The following UNC79 variants were observed in gnomAD, a reference collection of about 807,000 sequenced individuals.
UNC79 encodes the protein unc-79 subunit of NALCN channel complex.
Under a neutral mutation model 283.1 loss-of-function variants are expected in UNC79, and 37 were observed. The ratio of observed to expected loss-of-function variants is 0.13; its 90% CI spans 0.10 to 0.17. The LOEUF (loss-of-function observed/expected upper bound fraction) is 0.17. UNC79 is among the 10% of genes least tolerant of loss of function. The pLI, the probability that UNC79 is intolerant of heterozygous loss-of-function variation, is 1.00. For missense variants in UNC79, 2,272 were observed against 3,211.1 expected (o/e 0.71, Z 7.07); for synonymous variants, 1,107 against 1,200.2 (o/e 0.92, Z 1.61).
chr14:93,391,124 A>G (rs889501926), intron 1 of UNC79, among the ~76,000 whole-genome samples: 3 of 150,638 alleles, frequency 2.0e-5, no homozygotes, highest in Non-Finnish European at 4.5e-5. Context: ...TGATTGACAC[A>G]AAAAAATAGA....
At chr14:93,467,738 A>G (rs1206192542) in exon 2 of UNC79, 6 of 1,495,344 alleles carry the variant, frequency 4.0e-6, no homozygotes, top group African/African-American at 1.5e-5. Context: ...ATCCTGTACC[A>G]TCAGGAACAG....
intron 1 of UNC79, among the ~76,000 whole-genome samples, chr14:93,418,423 G>A (rs543787316): frequency 6.6e-6 from 1 of 151,852 alleles, no homozygotes; most frequent in East Asian, 1.9e-4. Flanking sequence ...GTGTCAGTCT[G>A]CCCCTACTGG....
intron 1 of UNC79, among the ~76,000 whole-genome samples, chr14:93,403,827 TATC>T (rs1190641723): frequency 2.0e-5 from 3 of 151,216 alleles, no homozygotes; most frequent in African/African-American, 7.3e-5. Context: ...AAAACAATGA[TATC>T]ATCTTGAAAG....
intron 1 of UNC79, among the ~76,000 whole-genome samples, chr14:93,390,150 T>C (rs927473322): frequency 6.6e-6 from 1 of 152,242 alleles, no homozygotes; most frequent in Non-Finnish European, 1.5e-5. Context: ...AAATGAAATA[T>C]TTGTTTAACA....
At chr14:93,696,219 A>C (rs770147427) in intron 47 of UNC79, among the ~76,000 whole-genome samples, 1 of 152,140 alleles carries the variant, frequency 6.6e-6, no homozygotes, top group Non-Finnish European at 1.5e-5. Context: ...CAGTTATTTG[A>C]CATCTAGGGG....
intron 1 of UNC79, among the ~76,000 whole-genome samples, chr14:93,396,817 G>T (rs1261966795): frequency 6.7e-6 from 1 of 149,910 alleles, no homozygotes; most frequent in African/African-American, 2.5e-5. Context: ...GTTGTGGCAT[G>T]CTTTCAACTC....
rs760809357 is a variant in UNC79, at chr14:93,612,793, A to T, written c.3755-4A>T. Reference sequence around the variant, plus strand: ...CCCACTGACAGCCTTTCTTCTACTGACAGGACAACAATCTCCTGAGAATGA... The same window carrying T: ...CCCACTGACAGCCTTTCTTCTACTGTCAGGACAACAATCTCCTGAGAATGA... On this transcript the variant is annotated splice_polypyrimidine_tract_variant and splice_region_variant and intron_variant, in intron 26 of 48. Transcript: ENST00000555664. 1.2e-6 allele frequency: 2 copies of T among 1,610,616 alleles called. No individual in the cohort carries two copies. The highest frequency in any genetic ancestry group is 1.7e-5 in the Admixed American group (1 of 59,916).
chr14:93,604,843 G>T, intron 26 of UNC79, 53 bp from the exon 27 acceptor site: 1 of 1,487,882 alleles, frequency 6.7e-7, no homozygotes, highest in East Asian at 2.5e-5. Context: ...ATATTTTCTA[G>T]GCTCCAGTTG....
chr14:93,513,819 C>G (rs1672234191), intron 7 of UNC79, among the ~76,000 whole-genome samples: 1 of 152,204 alleles, frequency 6.6e-6, no homozygotes, highest in Non-Finnish European at 1.5e-5. Context: ...CTCTGCCCTT[C>G]TCTTCCCAAG....
At chr14:93,586,078 C>T (rs1216337579) in intron 20 of UNC79, among the ~76,000 whole-genome samples, 3 of 152,150 alleles carry the variant, frequency 2.0e-5, no homozygotes, top group Non-Finnish European at 1.5e-5. Flanking sequence ...GATGGGGTTT[C>T]ACCATGTTGG....
In UNC79 at chr14:93,622,715, G is replaced by C. The variant is rs768976989; in HGVS notation, c.5482G>C (p.Glu1828Gln). ...GGAAGAGGATGGAGCTGAGGAATCC[G>C]AATTTAAGATTCAGATTGTTCCCAG... Residue 1828 changes from glutamate to glutamine, a missense_variant, in exon 30 of 49, where the codon GAA becomes CAA. Transcript: ENST00000555664. 1.2e-4 allele frequency: 191 copies of C among 1,614,040 alleles called. No individual in the cohort carries two copies. The highest frequency in any genetic ancestry group is 1.6e-4 in the Non-Finnish European group (187 of 1,180,026).
At chr14:93,443,609 G>C (rs576012940) in intron 1 of UNC79, among the ~76,000 whole-genome samples, 7 of 152,182 alleles carry the variant, frequency 4.6e-5, no homozygotes, top group Admixed American at 2.6e-4. Context: ...ATTTTTAGTA[G>C]AGACAGGGTT....
intron 11 of UNC79, among the ~76,000 whole-genome samples, chr14:93,537,031 G>A (rs1449470158): frequency 2.0e-5 from 3 of 152,134 alleles, no homozygotes; most frequent in Non-Finnish European, 4.4e-5. Flanking sequence ...GGTGAAGACA[G>A]ATTAATTCAT....
intron 5 of UNC79, among the ~76,000 whole-genome samples, chr14:93,495,822 A>G (rs895390471): frequency 6.6e-6 from 1 of 152,382 alleles, no homozygotes; most frequent in Middle Eastern, 3.4e-3. Flanking sequence ...TTTGTTCCCC[A>G]AGTGAAGATA....
intron 1 of UNC79, among the ~76,000 whole-genome samples, chr14:93,433,812 C>T (rs2055973684): frequency 6.6e-6 from 1 of 152,166 alleles, no homozygotes; most frequent in Admixed American, 6.5e-5. Flanking sequence ...CAACCCAAAC[C>T]AGCTTACTCG....
At chr14:93,604,428 A>G (rs1037044941) in intron 26 of UNC79, among the ~76,000 whole-genome samples, 5 of 152,192 alleles carry the variant, frequency 3.3e-5, no homozygotes, top group African/African-American at 1.2e-4. Context: ...TGAGAGAGTT[A>G]AGTATGAATG....
chr14:93,602,495 G>T (rs1161344857), intron 25 of UNC79, among the ~76,000 whole-genome samples: 2 of 152,090 alleles, frequency 1.3e-5, no homozygotes, highest in African/African-American at 2.4e-5. Context: ...TGCTGTTTTG[G>T]TAACTATAGC....
In UNC79 at chr14:93,559,137, T is replaced by G. The variant is rs543731909; in HGVS notation, c.1756-12757T>G. The stretch of plus-strand genomic sequence containing the variant: ...CACAGAGACTCCAGCACAACAGCTA[T>G]GTGTGCTGTGCTGGAGTATAAAGAT... On this transcript the variant is annotated intron_variant, in intron 14 of 48. Coordinates refer to ENST00000555664, the Ensembl canonical transcript of UNC79. Among the ~76,000 whole-genome samples the G allele has an allele frequency of 2.0e-5, 3 of 152,194 alleles. No individual in the cohort carries two copies. The East Asian group carries it at 5.8e-4, about 29-fold the overall frequency.
chr14:93,394,479 C>T lies in UNC79; in HGVS notation c.-351+60956C>T, dbSNP rs918800064. 7.5e-4 allele frequency among the ~76,000 whole-genome samples: 112 copies of T among 149,556 alleles called. 1 individual carries two copies. The highest frequency in any genetic ancestry group is 2.8e-3 in the African/African-American group (112 of 40,610). The stretch of plus-strand genomic sequence containing the variant: ...AGGCTAGAGTGCAGTGGTGCGATCT[C>T]GGCTCACTGCAACCTCCGCCTCCCA... On this transcript the variant is annotated intron_variant, in intron 1 of 49. Coordinates refer to the UNC79 transcript ENST00000256339.
Sources: allele counts gnomAD v4.1 joint callset (sites outside exome capture counted in the v4.1 genomes callset), GRCh38; gene constraint gnomAD v4.1.1; transcripts MANE v1.5; gene names NCBI Gene and HGNC (gene_info 2026-07-23, HGNC 2026-07-21).